The following KCNMA1 variants were observed in gnomAD, a reference collection of about 807,000 sequenced individuals.
KCNMA1 encodes Calcium-activated potassium channel subunit alpha-1.
In KCNMA1, 29 loss-of-function variants were observed where a neutral mutation model predicts 140.0. The observed-to-expected ratio is 0.21, with a 90% CI of 0.15 to 0.28. The LOEUF is 0.28. Ranked by LOEUF, KCNMA1 falls within the 10% of genes least tolerant of loss-of-function variation. KCNMA1 has a pLI of 1.00. For missense variants in KCNMA1, 880 were observed against 1,602.2 expected, an observed-to-expected ratio of 0.55 and a Z score of 7.70; for synonymous variants, 612 against 611.9, an observed-to-expected ratio of 1.00 and a Z score of 0.00.
rs1307716609 is a variant in KCNMA1, at chr10:76,885,345, G to A, written c.*1921C>T. On this transcript the variant is annotated 3_prime_UTR_variant, in exon 28 of 28. Transcript: ENST00000286628. ...ATTTGAAAAAATTCTTCCACTCATA[G>A]GGCTTGATAATTTACATGTATACAA... The A allele has an allele frequency of 4.1e-6, 4 of 982,612 alleles. No individual in the cohort carries two copies. The highest frequency in any genetic ancestry group is 4.8e-6 in the Non-Finnish European group (4 of 827,972). 60.9% of individuals were successfully genotyped at this position (982,612 alleles called of 1,614,324 possible).
chr10:77,473,761 G>C (rs2098218632), intron 1 of KCNMA1, among the ~76,000 whole-genome samples: 1 of 152,138 alleles, frequency 6.6e-6, no homozygotes, highest in African/African-American at 2.4e-5. Context: ...AGACCTCCTG[G>C]TCACCTGCCT....
intron 5 of KCNMA1, among the ~76,000 whole-genome samples, chr10:77,141,365 G>A (rs2154023513): frequency 6.6e-6 from 1 of 152,314 alleles, no homozygotes; most frequent in South Asian, 2.1e-4. Context: ...ATGGTATTTG[G>A]AGATGAGGTA....
At chr10:77,471,588 T>TCA (rs760749885) in intron 1 of KCNMA1, among the ~76,000 whole-genome samples, 15 of 138,874 alleles carry the variant, frequency 1.1e-4, no homozygotes, top group Non-Finnish European at 1.9e-4. Context: ...ATACCACAGG[T>TCA]CACACACACA....
intron 14 of KCNMA1, among the ~76,000 whole-genome samples, chr10:77,062,867 T>C (rs937987865): frequency 1.3e-5 from 2 of 152,188 alleles, no homozygotes; most frequent in Admixed American, 6.5e-5. Flanking sequence ...TGTGTAACAG[T>C]GGGGAAAGCG....
At chr10:77,263,338 G>T (rs2062528131) in intron 2 of KCNMA1, among the ~76,000 whole-genome samples, 1 of 152,230 alleles carries the variant, frequency 6.6e-6, no homozygotes, top group South Asian at 2.1e-4. Context: ...TTTTTTTAGA[G>T]ACCTTATTTT....
chr10:77,593,286 C>T (rs1450669471), intron 1 of KCNMA1, among the ~76,000 whole-genome samples: 1 of 152,222 alleles, frequency 6.6e-6, no homozygotes, highest in Non-Finnish European at 1.5e-5. Flanking sequence ...GTCCTGAGTT[C>T]TAGGGACCTC....
chr10:77,566,631 G>A (rs760183099), intron 1 of KCNMA1, among the ~76,000 whole-genome samples: 54 of 152,296 alleles, frequency 3.5e-4, no homozygotes, highest in Non-Finnish European at 6.3e-4. Flanking sequence ...GAATTCCATT[G>A]CCATAACTTG....
chr10:77,082,138 C>T lies in KCNMA1; in HGVS notation c.1523+2499G>A, dbSNP rs889701491. On this transcript the variant is annotated intron_variant, in intron 12 of 27. Transcript: ENST00000286628. ...CCGCCTCCTGGGTTCAAGCGATTCC[C>T]CTGCCTCAACCTCCTGAGTAACTGG... Among the ~76,000 whole-genome samples, 3 of 150,236 alleles carry T rather than the reference C, an allele frequency of 2.0e-5. No homozygotes were observed. The South Asian group carries it at 6.3e-4, about 32-fold the overall frequency.
intron 2 of KCNMA1, among the ~76,000 whole-genome samples, chr10:77,319,888 A>C (rs1336449300): frequency 6.6e-6 from 1 of 152,224 alleles, no homozygotes; most frequent in Non-Finnish European, 1.5e-5. Flanking sequence ...TGTATTGAGC[A>C]AGAAATAAAC....
chr10:77,373,032 C>T (rs1433887569), intron 2 of KCNMA1: 1 of 152,164 alleles, frequency 6.6e-6, no homozygotes, highest in Non-Finnish European at 1.5e-5. Flanking sequence ...AGGATTTTGC[C>T]TAGTAGAAAT....
At chr10:77,280,565 T>C (rs1482633821) in intron 2 of KCNMA1, among the ~76,000 whole-genome samples, 1 of 152,218 alleles carries the variant, frequency 6.6e-6, no homozygotes, top group Admixed American at 6.5e-5. Flanking sequence ...TGCCCTTTGT[T>C]GCCCAGACTG....
chr10:76,918,058 T>C (rs2053704788), intron 23 of KCNMA1, among the ~76,000 whole-genome samples: 1 of 152,210 alleles, frequency 6.6e-6, no homozygotes, highest in Non-Finnish European at 1.5e-5. Context: ...CTGACCATCT[T>C]GCTCTCCTTC....
intron 3 of KCNMA1, among the ~76,000 whole-genome samples, chr10:77,215,340 T>G (rs1383359937): frequency 6.6e-6 from 1 of 150,744 alleles, no homozygotes; most frequent in African/African-American, 2.4e-5. Context: ...CTTTTCTTTA[T>G]CTTCTGAACA....
At chr10:77,158,327 T>C (rs1475469156) in intron 5 of KCNMA1, among the ~76,000 whole-genome samples, 2 of 152,190 alleles carry the variant, frequency 1.3e-5, no homozygotes, top group African/African-American at 4.8e-5. Flanking sequence ...CTTTAGGTAG[T>C]GAAGGCAAGA....
At chr10:76,977,281 C>A (rs556202471) in intron 19 of KCNMA1, among the ~76,000 whole-genome samples, 10 of 152,252 alleles carry the variant, frequency 6.6e-5, no homozygotes, top group African/African-American at 2.4e-4. Flanking sequence ...CTGTAGCCTG[C>A]CACCTGTTTT....
At chr10:77,526,927 T>C (rs951302020) in intron 1 of KCNMA1, among the ~76,000 whole-genome samples, 4 of 152,152 alleles carry the variant, frequency 2.6e-5, no homozygotes, top group African/African-American at 2.4e-5. Flanking sequence ...ATTAAGTCAA[T>C]GAGCATGCTC....
intron 1 of KCNMA1, among the ~76,000 whole-genome samples, chr10:77,630,060 C>T (rs530145224): frequency 2.0e-5 from 3 of 152,324 alleles, no homozygotes; most frequent in African/African-American, 4.8e-5. Flanking sequence ...CCACACAGCA[C>T]GGTGCCACGC....
At chr10:77,543,006 ACT>A (rs753394376) in intron 1 of KCNMA1, among the ~76,000 whole-genome samples, 2 of 149,470 alleles carry the variant, frequency 1.3e-5, no homozygotes. Flanking sequence ...AACAATCAAG[ACT>A]CTCTCTCTTT....
chr10:77,416,240 A>G (rs1262283699), intron 1 of KCNMA1, among the ~76,000 whole-genome samples: 1 of 152,088 alleles, frequency 6.6e-6, no homozygotes, highest in African/African-American at 2.4e-5. Flanking sequence ...TGGGGCCAGG[A>G]AAGGTAGGGT....
Sources: allele counts gnomAD v4.1 joint callset (sites outside exome capture counted in the v4.1 genomes callset), GRCh38; gene constraint gnomAD v4.1.1; transcripts MANE v1.5; gene names NCBI Gene and HGNC (gene_info 2026-07-23, HGNC 2026-07-21).